Variants in XKR6 observed in about 807,000 individuals in gnomAD.
The protein encoded by XKR6 is XK related 6.
A neutral mutation model predicts 56.7 loss-of-function variants in XKR6; 22 were observed. The observed-to-expected ratio is 0.39, with a 90% CI of 0.28 to 0.55. The LOEUF is 0.55. Among genes scored for constraint, XKR6 ranks in the 20% least tolerant of loss-of-function variants. XKR6 has a pLI of 0.66. For missense variants in XKR6, 852 were observed against 889.0 expected, an observed-to-expected ratio of 0.96 and a Z score of 0.53; for synonymous variants, 524 against 387.8, an observed-to-expected ratio of 1.35 and a Z score of -4.13.
rs1207006942 is a variant in XKR6 at position 11,200,884 on chromosome 8, G to C, written c.456C>G (p.Asp152Glu). The C allele has an allele frequency of 3.1e-6, 5 of 1,611,388 alleles. No individual in the cohort carries two copies. Among genetic ancestry groups the C allele is most frequent in the Admixed American group, 1.7e-5 (1 of 59,962 alleles). Residue 152 changes from aspartate (D) to glutamate (E), a missense_variant, in exon 1 of 3, where the codon GAC (aspartate) becomes GAG (glutamate). Asp to Glu is a conservative substitution (Grantham distance 45). Transcript: ENST00000416569. This position sits in a 1 kb window ranked among gnomAD's most constrained non-coding sequence, Gnocchi z 6.4. ...DVGTDLWLAL[D>E]YYRKGDYVYF... ...AGACGTAGTCCCCCTTGCGGTAGTA[G>C]TCGAGGGCCAGCCACAGGTCGGTGC...
At chr8:10,957,360 G>C (rs989807908) in intron 1 of XKR6, among the ~76,000 whole-genome samples, 1 of 152,166 alleles carries the variant, frequency 6.6e-6, no homozygotes, top group African/African-American at 2.4e-5. Flanking sequence ...TGCAAGTACA[G>C]TCTACTCCAG....
chr8:11,131,074 CTG>C (rs1800081175), intron 1 of XKR6, among the ~76,000 whole-genome samples: 1 of 152,116 alleles, frequency 6.6e-6, no homozygotes, highest in Non-Finnish European at 1.5e-5. Flanking sequence ...TCTCTTCTAG[CTG>C]TGGATGGTAA....
intron 2 of XKR6, among the ~76,000 whole-genome samples, chr8:10,914,257 G>C (rs1483860756): frequency 6.6e-6 from 1 of 152,108 alleles, no homozygotes; most frequent in Non-Finnish European, 1.5e-5. Flanking sequence ...CAGCTCACTG[G>C]GAGTCACTCT....
At chr8:10,902,130 T>C (rs1800052999) in intron 2 of XKR6, among the ~76,000 whole-genome samples, 1 of 152,198 alleles carries the variant, frequency 6.6e-6, no homozygotes, top group Admixed American at 6.5e-5. Context: ...TTCTAGAATT[T>C]CGCCCAAGGG....
intron 1 of XKR6, among the ~76,000 whole-genome samples, chr8:10,954,124 T>A (rs1801806521): frequency 6.6e-6 from 1 of 152,260 alleles, no homozygotes; most frequent in African/African-American, 2.4e-5. Flanking sequence ...GCTATAAACA[T>A]TCATCTACAA....
chr8:11,018,743 T>G (rs1798682615), intron 1 of XKR6, among the ~76,000 whole-genome samples: 2 of 152,074 alleles, frequency 1.3e-5, no homozygotes. Context: ...CATGGTCCAT[T>G]AAGCTCCTGC....
intron 1 of XKR6, among the ~76,000 whole-genome samples, chr8:11,156,515 T>G (rs146833931): frequency 1.1e-4 from 17 of 152,350 alleles, no homozygotes; most frequent in African/African-American, 3.8e-4. Context: ...GCAGGCAGTA[T>G]TTTGTGTATC....
At chr8:10,907,716 C>T (rs888041264) in intron 2 of XKR6, among the ~76,000 whole-genome samples, 1 of 152,216 alleles carries the variant, frequency 6.6e-6, no homozygotes, top group African/African-American at 2.4e-5. Flanking sequence ...ATCATTGAGG[C>T]TTATACATCA....
intron 1 of XKR6, among the ~76,000 whole-genome samples, chr8:10,981,242 C>T (rs186481721): frequency 4.6e-5 from 7 of 152,240 alleles, no homozygotes; most frequent in South Asian, 2.1e-4. Flanking sequence ...CCAGAGCATA[C>T]GAGGGGGTAA....
At chr8:11,109,956 TAATG>T (rs1798824760) in intron 1 of XKR6, among the ~76,000 whole-genome samples, 1 of 152,092 alleles carries the variant, frequency 6.6e-6, no homozygotes, top group Non-Finnish European at 1.5e-5. Flanking sequence ...AAAACCTACT[TAATG>T]TTGTTTTTTT....
At chr8:11,088,577 C>G (rs1335367046) in intron 1 of XKR6, among the ~76,000 whole-genome samples, 1 of 152,190 alleles carries the variant, frequency 6.6e-6, no homozygotes, top group South Asian at 2.1e-4. Flanking sequence ...ACCTTTCCTT[C>G]CTTCCTTAGG....
intron 1 of XKR6, chr8:11,124,561 T>A (rs1430874508): frequency 1.3e-5 from 2 of 156,596 alleles, no homozygotes; most frequent in Non-Finnish European, 2.8e-5. Context: ...CAAGCAATTA[T>A]AAAAGCCTAA....
chr8:11,136,858 A>G (rs1216320710), intron 1 of XKR6: 3 of 152,198 alleles, frequency 2.0e-5, no homozygotes, highest in Non-Finnish European at 4.4e-5. Context: ...CACACAGAGA[A>G]CACCTACACA....
At chr8:10,926,545 G>C (rs1800891740) in intron 1 of XKR6, among the ~76,000 whole-genome samples, 1 of 152,214 alleles carries the variant, frequency 6.6e-6, no homozygotes, top group South Asian at 2.1e-4. Context: ...ACCAGAGTGA[G>C]GCTGGCATTG....
intron 1 of XKR6, among the ~76,000 whole-genome samples, chr8:11,167,801 G>A (rs369755264): frequency 2.8e-4 from 43 of 151,518 alleles, no homozygotes; most frequent in Admixed American, 1.3e-3. Context: ...TTTAGCTCCT[G>A]GCATTCAAGG....
chr8:11,170,242 C>G (rs1018125911), intron 1 of XKR6, among the ~76,000 whole-genome samples: 1 of 152,158 alleles, frequency 6.6e-6, no homozygotes, highest in Non-Finnish European at 1.5e-5. Flanking sequence ...AGCCTTGTTA[C>G]AGGAATTCTA....
intron 1 of XKR6, among the ~76,000 whole-genome samples, chr8:11,028,147 C>T (rs1475609746): frequency 5.9e-5 from 9 of 152,172 alleles, no homozygotes; most frequent in African/African-American, 9.7e-5. Context: ...ACCCCGGCAA[C>T]CACCGAGATA....
At chr8:10,945,857 A>T (rs999048120) in intron 1 of XKR6, among the ~76,000 whole-genome samples, 2 of 152,108 alleles carry the variant, frequency 1.3e-5, no homozygotes, top group East Asian at 3.9e-4. Context: ...AGAGCAGCTC[A>T]TGGGAACTCC....
intron 1 of XKR6, among the ~76,000 whole-genome samples, chr8:10,971,237 C>T (rs922381118): frequency 4.6e-5 from 7 of 151,652 alleles, no homozygotes; most frequent in South Asian, 2.1e-4. Flanking sequence ...CTGGCTAACA[C>T]GGCGAAACTC....
Sources: gnomAD v4.1 joint callset for allele counts (sites outside exome capture counted in the v4.1 genomes callset) on GRCh38, gnomAD v4.1.1 for gene constraint, Gnocchi (gnomAD v3.1) non-coding constraint, MANE v1.5 for transcripts, NCBI Gene and HGNC (gene_info 2026-07-23, HGNC 2026-07-21) for gene names.